The following COG3 variants were observed in gnomAD, a reference collection of about 807,000 sequenced individuals.
The protein encoded by COG3 is conserved oligomeric Golgi complex subunit 3.
Under a neutral mutation model 114.1 loss-of-function variants are expected in COG3, and 32 were observed. The observed-to-expected ratio is 0.28, with a 90% CI of 0.21 to 0.38. The LOEUF is 0.38. Among genes scored for constraint, COG3 ranks in the 10% least tolerant of loss-of-function variants. The pLI is 1.00. For missense variants in COG3, 813 were observed against 973.2 expected, an observed-to-expected ratio of 0.84 and a Z score of 2.19; for synonymous variants, 352 against 365.7, an observed-to-expected ratio of 0.96 and a Z score of 0.43.
chr13:45,472,493 A>G (rs897076143), intron 1 of COG3, among the ~76,000 whole-genome samples: 3 of 152,168 alleles, frequency 2.0e-5, no homozygotes, highest in South Asian at 2.1e-4. Context: ...ATTTGATACC[A>G]TCACACAATT....
At chr13:45,515,871 T>C (rs903377283) in intron 16 of COG3, among the ~76,000 whole-genome samples, 3 of 152,208 alleles carry the variant, frequency 2.0e-5, no homozygotes, top group Non-Finnish European at 4.4e-5. Context: ...TGAAAGTAGA[T>C]TGGACTTCTC....
intron 1 of COG3, among the ~76,000 whole-genome samples, chr13:45,472,820 T>G (rs538648962): frequency 2.6e-5 from 4 of 152,242 alleles, no homozygotes; most frequent in African/African-American, 4.8e-5. Flanking sequence ...TTCTAGTCTC[T>G]TGCTCATCTG....
chr13:45,506,808 A>G (rs1870202724), intron 14 of COG3, among the ~76,000 whole-genome samples: 1 of 152,176 alleles, frequency 6.6e-6, no homozygotes, highest in African/African-American at 2.4e-5. Context: ...AGAGAATGAG[A>G]AGCCTCTGAA....
chr13:45,485,411 G>GAC (rs1258898785), intron 7 of COG3, among the ~76,000 whole-genome samples: 1 of 706 alleles, frequency 1.4e-3, no homozygotes. Flanking sequence ...CGGGGGGGCT[G>GAC]ACCCCCCCCA....
Position 45,464,983 on chromosome 13 carries a change from T to C in COG3, c.-54T>C. 9 of 1,526,388 alleles carry C rather than the reference T, an allele frequency of 5.9e-6. No individual in the cohort carries two copies. Among genetic ancestry groups the C allele is most frequent in the Non-Finnish European group, 7.9e-6 (9 of 1,139,216 alleles). 94.6% of individuals were successfully genotyped at this position (1,526,388 alleles called of 1,614,324 possible). A position where few individuals can be genotyped will look rare whatever the true frequency, so the allele number is the denominator to read the frequency against. ...TTCTCCCGGAAGTGGCCCAGGTCTC[T>C]CTGTCGGGGTCCCCTCCATCTCGCT... On this transcript the variant is annotated 5_prime_UTR_variant, in exon 1 of 23. Coordinates refer to ENST00000349995, the MANE Select transcript of COG3 (RefSeq NM_031431.4).
rs191327511 is a variant in COG3, at chr13:45,491,510, G to T, written c.1067G>T (p.Ser356Ile). Residue 356 changes from serine (S) to isoleucine (I), a missense_variant, in exon 10 of 23, where the codon AGC becomes ATC. By Grantham distance (142) the Ser-to-Ile change is moderately radical (BLOSUM62 -2). Transcript: ENST00000349995. ...SIACTVAELT[S>I]QNNRDHCALV... ...GCTTGCACTGTTGCAGAGTTAACCA[G>T]CCAAAATAATAGAGATCACTGTGCC... is the stretch of plus-strand genomic sequence containing the variant. 10 of 1,613,056 alleles carry T rather than the reference G, an allele frequency of 6.2e-6. No individual in the cohort carries two copies.
At chr13:45,478,798 A>C (rs542379984) in intron 2 of COG3, among the ~76,000 whole-genome samples, 1 of 152,320 alleles carries the variant, frequency 6.6e-6, no homozygotes, top group Non-Finnish European at 1.5e-5. Context: ...GAAATGGCCG[A>C]TGTTTTAATA....
At chr13:45,508,274 T>A (rs545276425) in intron 14 of COG3, among the ~76,000 whole-genome samples, 34 of 150,050 alleles carry the variant, frequency 2.3e-4, no homozygotes, top group Non-Finnish European at 3.8e-4. Context: ...TCTATTTTCT[T>A]ATTATTGAAA....
chr13:45,473,026 C>G (rs35758841), intron 1 of COG3, among the ~76,000 whole-genome samples: 1 of 152,034 alleles, frequency 6.6e-6, no homozygotes, highest in African/African-American at 2.4e-5. Flanking sequence ...CCCGCCACCA[C>G]GCCTGGCTAA....
At chr13:45,496,471 C>T (rs1337123544) in intron 13 of COG3, among the ~76,000 whole-genome samples, 159 bp downstream of exon 13, 5 of 152,138 alleles carry the variant, frequency 3.3e-5, no homozygotes, top group Non-Finnish European at 5.9e-5. Context: ...CCACCTGCCT[C>T]GGCCTCCCAA....
At chr13:45,528,436 G>A in intron 20 of COG3, among the ~76,000 whole-genome samples, 1 of 152,132 alleles carries the variant, frequency 6.6e-6, no homozygotes, top group East Asian at 1.9e-4. Flanking sequence ...AGTAGCAAGA[G>A]CATTGGTACT....
Position 45,492,206 on chromosome 13 carries a change from C to G in COG3, c.1143C>G (p.His381Gln). 1 of 1,608,844 alleles carries G rather than the reference C, an allele frequency of 6.2e-7. No individual in the cohort carries two copies. Among genetic ancestry groups the G allele is most frequent in the Non-Finnish European group, 8.5e-7 (1 of 1,177,746 alleles). The change falls in exon 11 of 23, where the codon CAC (histidine) becomes CAG (glutamine). Residue 381 changes from histidine (H) to glutamine (Q), a missense_variant. Coordinates refer to ENST00000349995, the MANE Select transcript of COG3 (RefSeq NM_031431.4). ...TGGTTCATGTCTGCCAGGATGAACA[C>G]CAACTTTACAATGAATTTTTCACAA... ...AFMVHVCQDEHQLYNEFFTKP... is the reference protein window; with the variant it reads ...AFMVHVCQDEQQLYNEFFTKP...
chr13:45,514,157 C>CTTTTTTTTTTTT (rs57033822), intron 16 of COG3, among the ~76,000 whole-genome samples: 2 of 93,858 alleles, frequency 2.1e-5, no homozygotes, highest in Non-Finnish European at 3.9e-5. Context: ...TGTCCTCTCT[C>CTTTTTTTTTTTT]TTTTTTTTTT....
intron 22 of COG3, chr13:45,531,154 A>T (rs1873136605): frequency 4.1e-6 from 3 of 736,988 alleles, no homozygotes; most frequent in African/African-American, 1.9e-5. Context: ...TCTGTAGGTT[A>T]CTGGGGTACA....
At chr13:45,482,309 C>G (rs1270403714) in intron 5 of COG3, 72 bp from the exon 6 acceptor site, 18 of 763,180 alleles carry the variant, frequency 2.4e-5, no homozygotes, top group South Asian at 1.8e-4. Flanking sequence ...TATGCTGACT[C>G]TAATCCATAG....
chr13:45,536,468 T>G lies in COG3; in HGVS notation c.*1737T>G, dbSNP rs2137942973. The G allele has an allele frequency of 6.6e-6, 1 of 152,362 alleles. No individual in the cohort carries two copies. Among genetic ancestry groups the G allele is most frequent in the Non-Finnish European group, 1.5e-5 (1 of 68,040 alleles). 9.4% of individuals were successfully genotyped at this position (152,362 alleles called of 1,614,324 possible). On this transcript the variant is annotated 3_prime_UTR_variant, in exon 23 of 23. Coordinates refer to ENST00000349995, the MANE Select transcript of COG3 (RefSeq NM_031431.4). ...GGTAATAGTGACCCAACTTGTTTGC[T>G]AAATGATTATTTGTTTAAATCTGTA...
At chr13:45,524,752 T>G (rs1304688924) in intron 19 of COG3, among the ~76,000 whole-genome samples, 1 of 152,200 alleles carries the variant, frequency 6.6e-6, no homozygotes, top group African/African-American at 2.4e-5. Flanking sequence ...GATAACCATA[T>G]GCCTTGAAAT....
intron 14 of COG3, among the ~76,000 whole-genome samples, chr13:45,505,024 T>C (rs1420941731): frequency 6.6e-6 from 1 of 151,762 alleles, no homozygotes; most frequent in Non-Finnish European, 1.5e-5. Context: ...CCGTCTCTAC[T>C]AAAAATACAG....
At chr13:45,523,288 A>C (rs185213638) in intron 19 of COG3, among the ~76,000 whole-genome samples, 2 of 152,102 alleles carry the variant, frequency 1.3e-5, no homozygotes, top group Non-Finnish European at 2.9e-5. Context: ...TAATTTCTTC[A>C]GTAACACTAT....
Sources: gnomAD v4.1 joint callset for allele counts (sites outside exome capture counted in the v4.1 genomes callset) on GRCh38, gnomAD v4.1.1 for gene constraint, MANE v1.5 for transcripts, NCBI Gene and HGNC (gene_info 2026-07-23, HGNC 2026-07-21) for gene names.